Variants in MRC1 observed in about 807,000 individuals in gnomAD.
MRC1 encodes the protein mannose receptor C-type 1, also known as macrophage mannose receptor 1.
Under a neutral mutation model 102.9 loss-of-function variants are expected in MRC1, and 62 were observed. That is an observed-to-expected ratio of 0.60 (90% CI 0.49 to 0.74). MRC1 has a LOEUF of 0.74. Among genes scored for constraint, MRC1 ranks in the 30% least tolerant of loss-of-function variants. MRC1 has a pLI of 0.00. For synonymous variants in MRC1, 457 were observed against 298.4 expected, an observed-to-expected ratio of 1.53 and a Z score of -5.48; for missense variants, 1,237 against 862.8, an observed-to-expected ratio of 1.43 and a Z score of -5.43.
chr10:17,843,040 T>A (rs1047649805), intron 5 of MRC1, among the ~76,000 whole-genome samples: 1 of 152,256 alleles, frequency 6.6e-6, no homozygotes, highest in African/African-American at 2.4e-5. Context: ...TTAAAATATA[T>A]TCACTTTTGA....
In MRC1 at chr10:17,881,763, A is replaced by G. The variant is rs1554842443; in HGVS notation, c.2980+582A>G. ...AGCCTCGAACTCCTAAGCTCAAGCA[A>G]TCCTCTTGCCTCAGCTTCCTCAGTA... On this transcript the variant is annotated intron_variant, in intron 21 of 29. Transcript: ENST00000569591. Among the ~76,000 whole-genome samples, 3 of 145,934 alleles carry G rather than the reference A, an allele frequency of 2.1e-5. No individual in the cohort carries two copies. The East Asian group carries it at 6.0e-4, about 29-fold the overall frequency.
intron 6 of MRC1, among the ~76,000 whole-genome samples, chr10:17,848,597 ACT>A (rs1195940566): frequency 1.3e-5 from 2 of 152,014 alleles, no homozygotes; most frequent in African/African-American, 4.8e-5. Context: ...TTACAAGCAC[ACT>A]CTCTCTATTC....
chr10:17,844,618 A>G (rs895967788), intron 5 of MRC1, among the ~76,000 whole-genome samples: 47 of 152,332 alleles, frequency 3.1e-4, no homozygotes, highest in African/African-American at 1.1e-3. Flanking sequence ...CGGTTGTTAC[A>G]TACCTAGGTA....
chr10:17,810,400 T>C (rs1488269100), intron 1 of MRC1, among the ~76,000 whole-genome samples: 1 of 152,200 alleles, frequency 6.6e-6, no homozygotes, highest in Non-Finnish European at 1.5e-5. Context: ...GTGCCTACGA[T>C]CTACTCTATG....
intron 9 of MRC1, among the ~76,000 whole-genome samples, chr10:17,857,490 C>A (rs1169324455): frequency 6.6e-6 from 1 of 151,788 alleles, no homozygotes; most frequent in Non-Finnish European, 1.5e-5. Flanking sequence ...TGATAATAAT[C>A]CTGTTTAATC....
chr10:17,885,246 T>G lies in MRC1; in HGVS notation c.2981-23T>G. On this transcript the variant is annotated intron_variant, in intron 21 of 29. Coordinates refer to ENST00000569591, the MANE Select transcript of MRC1 (RefSeq NM_002438.4). ...AGTATTAACTCTCAAAGTTTAAAAT[T>G]ATATCATGAAATTTTCTTTCAGCAT... The G allele has an allele frequency of 2.6e-6, 2 of 780,796 alleles. 1 individual carries two copies. Among genetic ancestry groups the G allele is most frequent in the South Asian group, 2.7e-5 (2 of 74,552 alleles). 48.4% of individuals were successfully genotyped at this position (780,796 alleles called of 1,614,324 possible).
chr10:17,816,046 A>G (rs1554837861), intron 1 of MRC1, among the ~76,000 whole-genome samples: 1 of 151,938 alleles, frequency 6.6e-6, no homozygotes, highest in South Asian at 2.1e-4. Context: ...CTGATCTCGA[A>G]CTCCTGACCT....
rs1344817649 is a variant in MRC1, at chr10:17,865,779, T to C, written c.1784-783T>C. Among the ~76,000 whole-genome samples, 3 of 152,154 alleles carry C rather than the reference T, an allele frequency of 2.0e-5. No individual in the cohort carries two copies. The East Asian group carries it at 5.8e-4, about 29-fold the overall frequency. ...TAGGAATCAGGGAAAACCCTTGAGGTGTCAGGGAATCAGAGATTTCAGAGA... is the reference window on the plus strand; with the variant it reads ...TAGGAATCAGGGAAAACCCTTGAGGCGTCAGGGAATCAGAGATTTCAGAGA... On this transcript the variant is annotated intron_variant, in intron 11 of 29. Coordinates refer to ENST00000569591, the MANE Select transcript of MRC1 (RefSeq NM_002438.4).
Position 17,894,244 on chromosome 10 carries a change from A to T in MRC1, c.3182A>T (p.Asn1061Ile). ...DCVVIIGGAS[N>I]EAGKWMDDTC... Reference sequence around the variant, plus strand: ...GTTGTTATTATTGGAGGTGCATCAAATGAAGCAGGAAAATGGATGGATGAT... The same window carrying T: ...GTTGTTATTATTGGAGGTGCATCAATTGAAGCAGGAAAATGGATGGATGAT... Residue 1061 changes from asparagine to isoleucine, a missense_variant, in exon 23 of 30, where the codon AAT (asparagine) becomes ATT (isoleucine). Transcript: ENST00000569591. The T allele has an allele frequency of 3.4e-6, 3 of 872,690 alleles. No individual in the cohort carries two copies. 54.1% of individuals were successfully genotyped at this position (872,690 alleles called of 1,614,324 possible). A position where few individuals can be genotyped will look rare whatever the true frequency, so the allele number is the denominator to read the frequency against.
At chr10:17,820,880 A>G (rs969802935) in intron 1 of MRC1, among the ~76,000 whole-genome samples, 2 of 152,098 alleles carry the variant, frequency 1.3e-5, no homozygotes, top group African/African-American at 2.4e-5. Flanking sequence ...TTATTTTCCT[A>G]TTTCCTGTGT....
intron 1 of MRC1, among the ~76,000 whole-genome samples, chr10:17,812,981 G>A (rs1391020554): frequency 6.6e-6 from 1 of 152,072 alleles, no homozygotes; most frequent in African/African-American, 2.4e-5. Context: ...GAAAAGCCTA[G>A]AACATCTGCA....
chr10:17,833,619 C>T (rs1838615557), intron 3 of MRC1, 56 bp from the exon 4 acceptor site: 1 of 779,352 alleles, frequency 1.3e-6, no homozygotes, highest in African/African-American at 1.7e-5. Flanking sequence ...TAATACTATT[C>T]ACTGGAAGTG....
chr10:17,843,639 G>C (rs1265264458), intron 5 of MRC1, among the ~76,000 whole-genome samples: 1 of 151,840 alleles, frequency 6.6e-6, no homozygotes, highest in Non-Finnish European at 1.5e-5. Context: ...ACTCTAGCCT[G>C]AGTGACAGAG....
chr10:17,862,495 C>T (rs1589183075), intron 10 of MRC1, among the ~76,000 whole-genome samples: 2 of 152,278 alleles, frequency 1.3e-5, no homozygotes, highest in East Asian at 3.9e-4. Context: ...TGTGCATCTA[C>T]ATTTGGACAT....
rs1833413000 is a variant in MRC1, at chr10:17,875,229, T to C, written c.2526T>C (p.Ser842=). 1.3e-6 allele frequency: 1 copy of C among 780,736 alleles called. No homozygotes were observed. The highest frequency in any genetic ancestry group is 2.4e-6 in the Non-Finnish European group (1 of 417,950). 48.4% of individuals were successfully genotyped at this position (780,736 alleles called of 1,614,324 possible). A position where few individuals can be genotyped will look rare whatever the true frequency, so the allele number is the denominator to read the frequency against. The change falls in exon 17 of 30, where the codon AGT becomes AGC. Residue 842 remains serine (S), a synonymous_variant. Transcript: ENST00000569591. The part of the protein sequence containing the change: ...FGDLVSIQSE[S]EKKFLWKYVN... ...ATCTTGTTTCTATTCAAAGTGAAAG[T>C]GAAAAGAAGTTTCTATGGAAATATG...
intron 17 of MRC1, 133 bp from the exon 18 acceptor site, chr10:17,877,767 T>G: frequency 1.3e-6 from 1 of 752,214 alleles, no homozygotes. Context: ...ATATAGAATG[T>G]ACTACATTTC....
rs781984978 is a variant in MRC1, at chr10:17,849,559, A to AC, written c.1064-14dup. 639,004 of 773,938 alleles carry AC rather than the reference A, an allele frequency of 0.83. 265,274 individuals are homozygous for AC. Among genetic ancestry groups the AC allele is most frequent in the East Asian group, 1 (41,077 of 41,146 alleles). 47.9% of individuals were successfully genotyped at this position (773,938 alleles called of 1,614,324 possible). A position where few individuals can be genotyped will look rare whatever the true frequency, so the allele number is the denominator to read the frequency against. On this transcript the variant is annotated intron_variant, in intron 6 of 29. Coordinates refer to ENST00000569591, the MANE Select transcript of MRC1 (RefSeq NM_002438.4). The stretch of plus-strand genomic sequence containing the variant: ...TCAAATCTTTTAAAATTTTTTTCCG[A>AC]CCCCCCTTTTTGTTTCTAGAAAGTG...
intron 2 of MRC1, 146 bp downstream of exon 2, chr10:17,823,621 A>G (rs1374783885): frequency 1.4e-6 from 1 of 701,486 alleles, no homozygotes. Flanking sequence ...ACTATTCTGT[A>G]GGACTATTCT....
intron 8 of MRC1, 113 bp from the exon 9 acceptor site, chr10:17,856,129 C>T (rs1833087635): frequency 6.9e-6 from 5 of 719,560 alleles, no homozygotes; most frequent in Non-Finnish European, 1.2e-5. Flanking sequence ...AAGATCGCGC[C>T]ACTGCACTCC....
Sources: gnomAD v4.1 joint callset for allele counts (sites outside exome capture counted in the v4.1 genomes callset) on GRCh38, gnomAD v4.1.1 for gene constraint, MANE v1.5 for transcripts, NCBI Gene and HGNC (gene_info 2026-07-23, HGNC 2026-07-21) for gene names.